Variants in ADGRL2 observed in about 807,000 individuals in gnomAD.
ADGRL2 encodes the protein calcium-independent alpha-latrotoxin receptor 2.
Under a neutral mutation model 157.4 loss-of-function variants are expected in ADGRL2, and 44 were observed. That is an observed-to-expected ratio of 0.28 (90% CI 0.22 to 0.36). The LOEUF (loss-of-function observed/expected upper bound fraction) is 0.36, where lower values mean the gene tolerates loss of function less well. Among genes scored for constraint, ADGRL2 ranks in the 10% least tolerant of loss-of-function variants. ADGRL2 has a pLI of 1.00. For synonymous variants in ADGRL2, 585 were observed against 624.7 expected, an observed-to-expected ratio of 0.94 and a Z score of 0.95; for missense variants, 1,510 against 1,768.9, an observed-to-expected ratio of 0.85 and a Z score of 2.63.
intron 2 of ADGRL2, among the ~76,000 whole-genome samples, chr1:81,888,260 G>C (rs1281308501): frequency 6.6e-6 from 1 of 152,030 alleles, no homozygotes; most frequent in Non-Finnish European, 1.5e-5. Context: ...GCTTGACAGT[G>C]CTCATACAAC....
At chr1:81,836,389 A>G (rs1571551394) in intron 1 of ADGRL2, among the ~76,000 whole-genome samples, 1 of 152,122 alleles carries the variant, frequency 6.6e-6, no homozygotes, top group Non-Finnish European at 1.5e-5. Flanking sequence ...TATGTGCATT[A>G]TAAGGCTAAT....
intron 2 of ADGRL2, among the ~76,000 whole-genome samples, chr1:81,772,250 A>C (rs905489975): frequency 5.3e-5 from 5 of 94,656 alleles, no homozygotes; most frequent in African/African-American, 1.7e-4. Flanking sequence ...ACTCTATCTC[A>C]AAAAAAAAAA....
intron 2 of ADGRL2, among the ~76,000 whole-genome samples, chr1:81,784,359 G>A (rs1209298564): frequency 2.0e-5 from 3 of 152,088 alleles, no homozygotes; most frequent in Non-Finnish European, 2.9e-5. Flanking sequence ...AATCTCAAAT[G>A]GTATTTACCA....
Position 81,724,343 on chromosome 1 carries a change from T to C in ADGRL2, c.-143+24535T>C, listed in dbSNP as rs2084437711. 2.0e-5 allele frequency among the ~76,000 whole-genome samples: 3 copies of C among 152,202 alleles called. No homozygotes were observed. In the South Asian group the frequency reaches 6.2e-4, roughly 31 times the overall value. On this transcript the variant is annotated intron_variant, in intron 1 of 20. Coordinates refer to the ADGRL2 transcript ENST00000359929. ...AGAGTTTATCTTGTAGTATTCATAT[T>C]TGTATTTTGAAAATAATAAGGTTTG...
At chr1:81,575,329 A>G (rs2080776695) in intron 2 of ADGRL2, among the ~76,000 whole-genome samples, 1 of 152,182 alleles carries the variant, frequency 6.6e-6, no homozygotes, top group African/African-American at 2.4e-5. Context: ...TCCAGTACAC[A>G]TTTTTTAATT....
At chr1:81,321,975 T>A (rs1467682315) in intron 1 of ADGRL2, among the ~76,000 whole-genome samples, 4 of 151,632 alleles carry the variant, frequency 2.6e-5, no homozygotes, top group African/African-American at 4.8e-5. Context: ...CTAACATTTT[T>A]AAAAGCAAAT....
At chr1:81,885,335 T>C (rs1322101452) in intron 2 of ADGRL2, among the ~76,000 whole-genome samples, 1 of 152,166 alleles carries the variant, frequency 6.6e-6, no homozygotes, top group Non-Finnish European at 1.5e-5. Flanking sequence ...TTAAAAAAAA[T>C]GTTTAACTTT....
chr1:81,602,953 T>C (rs2081363300), intron 3 of ADGRL2, among the ~76,000 whole-genome samples: 2 of 150,468 alleles, frequency 1.3e-5, no homozygotes, highest in South Asian at 2.1e-4. Context: ...CACGAGAGAC[T>C]GCAGTAACCA....
rs897379533 is a variant in ADGRL2 at position 81,788,537 on chromosome 1, T to A, written c.-101+26685T>A. On this transcript the variant is annotated intron_variant, in intron 2 of 20. Coordinates refer to the ADGRL2 transcript ENST00000359929. ...ACAATCTGAAGAAACATGAGCCAAA[T>A]AAACTTCTTTTCCCTATGAATTACC... 3.9e-5 allele frequency among the ~76,000 whole-genome samples: 6 copies of A among 152,320 alleles called. No individual in the cohort carries two copies. In the East Asian group the frequency reaches 9.7e-4, roughly 25 times the overall value.
chr1:81,871,396 T>G (rs1358881921), intron 2 of ADGRL2, among the ~76,000 whole-genome samples: 2 of 152,064 alleles, frequency 1.3e-5, no homozygotes, highest in Non-Finnish European at 2.9e-5. Flanking sequence ...AATAAACATA[T>G]GTATGCATGT....
Position 81,913,637 on chromosome 1 carries a change from T to G in ADGRL2, c.287+6407T>G, listed in dbSNP as rs976273938. ...GAGGCTCATCATATTCTAATTCCCT[T>G]TAATTACACTTGGGGAATTGATGTC... is the stretch of plus-strand genomic sequence containing the variant. On this transcript the variant is annotated intron_variant, in intron 3 of 23. Coordinates refer to ENST00000686636, the MANE Select transcript of ADGRL2 (RefSeq NM_001366006.2). Among the ~76,000 whole-genome samples the G allele has an allele frequency of 3.7e-4, 56 of 152,296 alleles. 1 individual carries two copies. The highest frequency in any genetic ancestry group is 1.3e-3 in the African/African-American group (56 of 41,572).
At chr1:81,356,728 T>C (rs546398601) in intron 1 of ADGRL2, among the ~76,000 whole-genome samples, 208 of 151,886 alleles carry the variant, frequency 1.4e-3, no homozygotes, top group African/African-American at 4.5e-3. Flanking sequence ...CCGAGGTGGG[T>C]GGATCCCGAG....
At chr1:81,633,595 CAAAAAAAAAAAAAA>C (rs369967142) in intron 3 of ADGRL2, among the ~76,000 whole-genome samples, 4 of 50,274 alleles carry the variant, frequency 8.0e-5, no homozygotes, top group Admixed American at 2.4e-4. Context: ...GACTCTGTCT[CAAAAAAAAAAAAAA>C]AAAAAAAAAA....
intron 1 of ADGRL2, among the ~76,000 whole-genome samples, chr1:81,828,079 C>A (rs1474562029): frequency 6.6e-6 from 1 of 152,184 alleles, no homozygotes; most frequent in Admixed American, 6.5e-5. Flanking sequence ...CATCTATAAA[C>A]AGGGGTTGGG....
At chr1:81,591,205 A>C (rs1361000444) in intron 3 of ADGRL2, among the ~76,000 whole-genome samples, 1 of 152,190 alleles carries the variant, frequency 6.6e-6, no homozygotes, top group Non-Finnish European at 1.5e-5. Flanking sequence ...ACAAGAGAAA[A>C]GGGGGCTTAC....
Position 81,721,323 on chromosome 1 carries a change from A to G in ADGRL2, c.-143+21515A>G, listed in dbSNP as rs1283008109. 2.6e-5 allele frequency among the ~76,000 whole-genome samples: 4 copies of G among 152,108 alleles called. 1 individual carries two copies. The highest frequency in any genetic ancestry group is 9.7e-5 in the African/African-American group (4 of 41,414). Reference sequence around the variant, plus strand: ...ACTTTTGAGGCTTTATGATGGTATCAAAGAGATAACCACACTGCTTTTAGT... The same window carrying G: ...ACTTTTGAGGCTTTATGATGGTATCGAAGAGATAACCACACTGCTTTTAGT... On this transcript the variant is annotated intron_variant, in intron 1 of 20. Transcript: ENST00000359929.
rs74226542 is a variant in ADGRL2, at chr1:81,777,465, C to T, written c.-101+15613C>T. ...AAAAGATGTATTTTTAGAGTTTGTT[C>T]ATCTTTTTGTTGTTAAAACATTTGG... On this transcript the variant is annotated intron_variant, in intron 2 of 20. Transcript: ENST00000359929. Among the ~76,000 whole-genome samples the T allele has an allele frequency of 3.3e-5, 5 of 152,166 alleles. No individual in the cohort carries two copies. In the East Asian group the frequency reaches 9.6e-4, roughly 29 times the overall value.
intron 1 of ADGRL2, among the ~76,000 whole-genome samples, chr1:81,370,671 CA>C (rs2076146824): frequency 6.6e-6 from 1 of 152,240 alleles, no homozygotes; most frequent in South Asian, 2.1e-4. Context: ...ATATTGCCAT[CA>C]AAATGCATAG....
At position 81,837,030 on chromosome 1, in the gene ADGRL2, G is replaced by T; in HGVS notation, c.46G>T (p.Val16Leu). 1 of 1,592,798 alleles carries T rather than the reference G, an allele frequency of 6.3e-7. No homozygotes were observed. The highest frequency in any genetic ancestry group is 8.5e-7 in the Non-Finnish European group (1 of 1,170,892). The part of the protein sequence containing the change: ...CRMRSLWFII[V>L]ISFLPNTEGF... ...AATGCGAAGTCTGTGGTTTATCATT[G>T]TAATCAGCTTCTTACCAAATACAGA... is the stretch of plus-strand genomic sequence containing the variant. Residue 16 changes from valine to leucine, a missense_variant, in exon 2 of 24, where the codon GTA becomes TTA. Val to Leu is a conservative substitution (Grantham distance 32, BLOSUM62 1). This residue lies in a region of ADGRL2 where 361 missense variants were observed against 498.4 expected (regional missense o/e 0.72). Coordinates refer to ENST00000686636, the MANE Select transcript of ADGRL2 (RefSeq NM_001366006.2).
Sources: allele counts gnomAD v4.1 joint callset (sites outside exome capture counted in the v4.1 genomes callset), GRCh38; gene constraint gnomAD v4.1.1; regional missense constraint gnomAD v4.1.1; transcripts MANE v1.5; gene names NCBI Gene and HGNC (gene_info 2026-07-23, HGNC 2026-07-21).